SVIL: variants seen among roughly 807,000 people sequenced by gnomAD.
SVIL encodes the protein archvillin.
SVIL carries 101 observed loss-of-function variants against 240.4 expected under a neutral mutation model. The observed-to-expected ratio is 0.42, with a 90% CI of 0.36 to 0.50. The LOEUF is 0.50. Among genes scored for constraint, SVIL ranks in the 20% least tolerant of loss-of-function variants. The pLI is 0.01. For synonymous variants in SVIL, 999 were observed against 1,100.0 expected, an observed-to-expected ratio of 0.91 and a Z score of 1.82; for missense variants, 2,512 against 2,818.7, an observed-to-expected ratio of 0.89 and a Z score of 2.46.
chr10:29,527,634 C>T (rs1951022046), intron 12 of SVIL, among the ~76,000 whole-genome samples: 1 of 151,266 alleles, frequency 6.6e-6, no homozygotes, highest in Non-Finnish European at 1.5e-5. Flanking sequence ...ACCATGTTGG[C>T]CAGGATGGTC....
chr10:29,736,911 C>G (rs1256876749), upstream of SVIL: 1 of 152,118 alleles, frequency 6.6e-6, no homozygotes, highest in Non-Finnish European at 1.5e-5. Flanking sequence ...CGGGCGCCTC[C>G]GTCCCCGAGA....
intron 3 of SVIL, among the ~76,000 whole-genome samples, chr10:29,556,742 G>C (rs1406170764): frequency 3.9e-5 from 6 of 152,172 alleles, no homozygotes; most frequent in Non-Finnish European, 7.3e-5. Context: ...ATGCGGCCTT[G>C]GGAGAGGAGG....
rs146305189 is a variant in SVIL at position 29,588,411 on chromosome 10, T to C, written c.-200-19099A>G. On this transcript the variant is annotated intron_variant, in intron 1 of 37. Transcript: ENST00000355867. ...TCTCTTCACGTTAAGACACTTCCTG[T>C]GCAGTTTCTTGGACACCCAGCAGTG... Among the ~76,000 whole-genome samples, 20 of 151,990 alleles carry C rather than the reference T, an allele frequency of 1.3e-4. No individual in the cohort carries two copies. In the East Asian group the frequency reaches 3.9e-3, roughly 29 times the overall value.
chr10:29,519,314 C>T (rs865823082), intron 16 of SVIL, among the ~76,000 whole-genome samples: 5 of 152,128 alleles, frequency 3.3e-5, no homozygotes, highest in Middle Eastern at 3.2e-3. Flanking sequence ...GAGTTGGAGA[C>T]GTGGCCCCTG....
chr10:29,575,648 T>C (rs1955659474), intron 1 of SVIL, among the ~76,000 whole-genome samples: 1 of 152,296 alleles, frequency 6.6e-6, no homozygotes, highest in South Asian at 2.1e-4. Flanking sequence ...TGCTATTCTA[T>C]TGAGTGGAAG....
rs1951475935 is a variant in SVIL, at chr10:29,532,889, A to G, written c.1478T>C (p.Leu493Pro). Residue 493 changes from leucine (L) to proline (P), a missense_variant, in exon 8 of 38, where the codon CTG becomes CCG. Physicochemically the swap from Leu to Pro is moderately conservative, Grantham distance 98. This residue lies in a region of SVIL where 1,443 missense variants were observed against 1,486.6 expected (regional missense o/e 0.97). Transcript: ENST00000355867. ...STVTLEHQKE[L>P]ENVAQPPQAP... ...TTGAGGGGGTTGTGCCACGTTTTCC[A>G]GTTCCTTCTGATGCTCTAAGGTGAC... The G allele has an allele frequency of 4.3e-6, 7 of 1,614,064 alleles. No homozygotes were observed. The highest frequency in any genetic ancestry group is 5.9e-6 in the Non-Finnish European group (7 of 1,180,014).
chr10:29,694,712 G>C (rs575956796), intron 1 of SVIL, among the ~76,000 whole-genome samples: 1 of 152,092 alleles, frequency 6.6e-6, no homozygotes, highest in African/African-American at 2.4e-5. Flanking sequence ...CTTCCACCTC[G>C]GCCTCCCAAA....
intron 7 of SVIL, among the ~76,000 whole-genome samples, chr10:29,534,747 C>T (rs1035224003): frequency 1.3e-5 from 2 of 152,180 alleles, no homozygotes; most frequent in Admixed American, 6.5e-5. Context: ...GCCTCAGTTG[C>T]TTTACCTTTT....
Position 29,462,376 on chromosome 10 carries a change from G to A in SVIL, c.6303C>T (p.Pro2101=), listed in dbSNP as rs770951940. The change falls in exon 36 of 38, where the codon CCC becomes CCT. Residue 2101 remains proline (P), a synonymous_variant. Transcript: ENST00000355867. ...CKGKNLKKPA[P]KSYLIHAGLE... is the part of the protein sequence containing the mutation. ...GACCAGCGTGGATAAGGTAAGACTT[G>A]GGGGCTGGTTTCTTGAGATTTTTTC... is the stretch of plus-strand genomic sequence containing the variant. 2.5e-6 allele frequency: 4 copies of A among 1,614,136 alleles called. No individual in the cohort carries two copies. Among genetic ancestry groups the A allele is most frequent in the Middle Eastern group, 1.6e-4 (1 of 6,062 alleles).
At chr10:29,462,649 A>T (rs140806855) in intron 35 of SVIL, among the ~76,000 whole-genome samples, 1 of 152,312 alleles carries the variant, frequency 6.6e-6, no homozygotes, top group African/African-American at 2.4e-5. Flanking sequence ...AACGCTGTGT[A>T]TTCCTGGAAG....
intron 3 of SVIL, among the ~76,000 whole-genome samples, chr10:29,646,304 C>G (rs113780658): frequency 3.9e-5 from 6 of 152,150 alleles, no homozygotes; most frequent in Non-Finnish European, 8.8e-5. Context: ...TCTCAAATAC[C>G]TCTTTGGGAA....
Position 29,629,715 on chromosome 10 carries a change from C to T in SVIL, c.-201+4705G>A, listed in dbSNP as rs1321194163. ...ATTAGAGTCCGGGCGTGGTGGCTCA[C>T]ACCTGTAATCCCAGTGCCTTGAGAG... On this transcript the variant is annotated intron_variant, in intron 1 of 37. Coordinates refer to ENST00000355867, the MANE Select transcript of SVIL (RefSeq NM_021738.3). Among the ~76,000 whole-genome samples the T allele has an allele frequency of 2.0e-5, 3 of 147,896 alleles. 1 individual carries two copies. Among genetic ancestry groups the T allele is most frequent in the Non-Finnish European group, 3.0e-5 (2 of 66,126 alleles).
chr10:29,513,504 C>G (rs1490253086), intron 16 of SVIL, among the ~76,000 whole-genome samples: 1 of 152,166 alleles, frequency 6.6e-6, no homozygotes, highest in Non-Finnish European at 1.5e-5. Flanking sequence ...CCACTGCACT[C>G]CAGCCTGGGT....
At chr10:29,568,637 C>G (rs1367444234) in intron 2 of SVIL, among the ~76,000 whole-genome samples, 5 of 152,164 alleles carry the variant, frequency 3.3e-5, no homozygotes, top group African/African-American at 1.2e-4. Context: ...CTCTTACATC[C>G]ATGATGATGT....
intron 29 of SVIL, among the ~76,000 whole-genome samples, chr10:29,474,358 A>C (rs1945929632): frequency 6.6e-6 from 1 of 152,106 alleles, no homozygotes; most frequent in Non-Finnish European, 1.5e-5. Context: ...TGTAATCCCA[A>C]CACTCTGGGA....
chr10:29,701,598 A>C (rs1391555494), intron 1 of SVIL, among the ~76,000 whole-genome samples: 1 of 152,240 alleles, frequency 6.6e-6, no homozygotes, highest in Non-Finnish European at 1.5e-5. Flanking sequence ...GAAATAAAAA[A>C]AATTGTATCT....
At chr10:29,531,788 G>A (rs1285152811) in intron 9 of SVIL, among the ~76,000 whole-genome samples, 1 of 152,172 alleles carries the variant, frequency 6.6e-6, no homozygotes, top group Non-Finnish European at 1.5e-5. Flanking sequence ...TGAATGCAAT[G>A]TAAAATTGTG....
At chr10:29,646,449 G>A (rs11007683) in intron 3 of SVIL, among the ~76,000 whole-genome samples, 1 of 152,072 alleles carries the variant, frequency 6.6e-6, no homozygotes, top group Admixed American at 6.5e-5. Context: ...ACAAAGACAC[G>A]GCTTACTGGC....
At chr10:29,729,689 C>T (rs911180987) in intron 1 of SVIL, among the ~76,000 whole-genome samples, 2 of 80,840 alleles carry the variant, frequency 2.5e-5, no homozygotes, top group African/African-American at 1.3e-4. Context: ...CAAAAAGTAG[C>T]TGGGTGTGGT....
Sources: gnomAD v4.1 joint callset for allele counts (sites outside exome capture counted in the v4.1 genomes callset) on GRCh38, gnomAD v4.1.1 for gene constraint, gnomAD v4.1.1 regional missense constraint, MANE v1.5 for transcripts, NCBI Gene and HGNC (gene_info 2026-07-23, HGNC 2026-07-21) for gene names.